The following LRRC7 variants were observed in gnomAD, a reference collection of about 807,000 sequenced individuals.
The protein encoded by LRRC7 is leucine-rich repeat-containing protein 7.
LRRC7 carries 23 observed loss-of-function variants against 175.7 expected under a neutral mutation model. The ratio of observed to expected loss-of-function variants is 0.13; its 90% CI spans 0.09 to 0.19. The LOEUF is 0.19. LRRC7 is among the 10% of genes least tolerant of loss of function. The probability of loss-of-function intolerance (pLI) is 1.00; values close to 1 mark genes in which losing one functional copy is unlikely to be tolerated. For synonymous variants in LRRC7, 685 were observed against 680.9 expected, an observed-to-expected ratio of 1.01 and a Z score of -0.09; for missense variants, 1,354 against 1,904.7, an observed-to-expected ratio of 0.71 and a Z score of 5.38.
At chr1:69,694,306 A>G (rs1339694074) in intron 2 of LRRC7, among the ~76,000 whole-genome samples, 1 of 152,122 alleles carries the variant, frequency 6.6e-6, no homozygotes, top group Non-Finnish European at 1.5e-5. Flanking sequence ...TTGCCTTCTT[A>G]TATCTGCTCA....
intron 1 of LRRC7, among the ~76,000 whole-genome samples, chr1:69,671,037 C>T (rs1016892633): frequency 6.6e-6 from 1 of 152,070 alleles, no homozygotes. Flanking sequence ...AGGTGCAAGA[C>T]AATGTCCCCT....
At chr1:69,595,012 A>ATT (rs113142766) in intron 1 of LRRC7, among the ~76,000 whole-genome samples, 22,373 of 148,158 alleles carry the variant, frequency 0.15, 1,774 homozygotes, top group Admixed American at 0.19. Context: ...AAAAATGATC[A>ATT]TTTTTTTTTT....
chr1:69,762,845 G>T (rs1040720402), intron 3 of LRRC7, among the ~76,000 whole-genome samples: 2 of 151,988 alleles, frequency 1.3e-5, no homozygotes, highest in African/African-American at 4.8e-5. Flanking sequence ...GTGCATTATA[G>T]TTAAGGAGAA....
At chr1:69,995,866 G>A (rs567677593) in intron 11 of LRRC7, among the ~76,000 whole-genome samples, 5 of 151,162 alleles carry the variant, frequency 3.3e-5, no homozygotes, top group South Asian at 4.3e-4. Flanking sequence ...ATAAACATAC[G>A]TGTGCATGTG....
intron 1 of LRRC7, among the ~76,000 whole-genome samples, chr1:69,592,487 A>G (rs998608816): frequency 3.3e-5 from 5 of 152,108 alleles, no homozygotes; most frequent in Non-Finnish European, 4.4e-5. Flanking sequence ...AAGTCGTTAC[A>G]TTAAAAGTAC....
chr1:69,626,727 C>T (rs747160042), intron 1 of LRRC7, among the ~76,000 whole-genome samples: 11 of 118,234 alleles, frequency 9.3e-5, no homozygotes, highest in East Asian at 6.1e-4. Context: ...CCCTCTCCTC[C>T]GCCCCCCCAT....
chr1:69,829,687 A>T (rs1262515236), intron 5 of LRRC7, among the ~76,000 whole-genome samples: 1 of 151,862 alleles, frequency 6.6e-6, no homozygotes, highest in African/African-American at 2.4e-5. Flanking sequence ...TAAATAAATC[A>T]ATTACATGTG....
In LRRC7 at chr1:70,023,172, C is replaced by G. The variant is rs765357966; in HGVS notation, c.1592C>G (p.Thr531Ser). ...APWERGQRGI[T>S]LQPARLSGDC... ...TGGGAAAGGGGCCAGCGTGGGATTACTCTCCAACCTGCCAGACTGTCTGGC... is the reference window on the plus strand; with the variant it reads ...TGGGAAAGGGGCCAGCGTGGGATTAGTCTCCAACCTGCCAGACTGTCTGGC... Residue 531 changes from threonine to serine, a missense_variant, in exon 17 of 27, where the codon ACT (threonine) becomes AGT (serine). Physicochemically the swap from Thr to Ser is moderately conservative, Grantham distance 58. Around this residue, in one of 4 missense-constraint regions of LRRC7, gnomAD observed 1,032 missense variants for 1,227.2 expected, o/e 0.84. Transcript: ENST00000651989. The G allele has an allele frequency of 3.3e-6, 5 of 1,534,148 alleles. No homozygotes were observed. Among genetic ancestry groups the G allele is most frequent in the Non-Finnish European group, 3.5e-6 (4 of 1,130,984 alleles).
intron 1 of LRRC7, among the ~76,000 whole-genome samples, chr1:69,662,345 A>T (rs1041580503): frequency 2.6e-5 from 4 of 152,238 alleles, no homozygotes; most frequent in African/African-American, 9.6e-5. Context: ...CAAGACATTC[A>T]TAATGATACC....
chr1:70,013,736 T>C (rs1240983172), intron 13 of LRRC7, among the ~76,000 whole-genome samples: 1 of 151,922 alleles, frequency 6.6e-6, no homozygotes, highest in Non-Finnish European at 1.5e-5. Flanking sequence ...TAAGAACAAA[T>C]ATTGACTAGA....
chr1:69,733,490 C>T (rs1253363473), intron 2 of LRRC7, among the ~76,000 whole-genome samples: 1 of 151,974 alleles, frequency 6.6e-6, no homozygotes, highest in Non-Finnish European at 1.5e-5. Context: ...CTCATGTTTC[C>T]TTATTTGCAT....
chr1:69,598,884 C>T (rs1646943775), intron 1 of LRRC7, among the ~76,000 whole-genome samples: 1 of 152,162 alleles, frequency 6.6e-6, no homozygotes, highest in South Asian at 2.1e-4. Flanking sequence ...TCACTTTGTT[C>T]CCATTTGAAG....
chr1:69,781,711 G>GA (rs1202042457), intron 3 of LRRC7, among the ~76,000 whole-genome samples: 2 of 27,596 alleles, frequency 7.2e-5, no homozygotes, highest in African/African-American at 4.7e-4. Flanking sequence ...AAGAAAGAAA[G>GA]AAAGAAAGAA....
chr1:70,040,231 T>C (rs1266105089), intron 21 of LRRC7, among the ~76,000 whole-genome samples: 1 of 152,194 alleles, frequency 6.6e-6, no homozygotes, highest in Non-Finnish European at 1.5e-5. Context: ...CCTAATTTGT[T>C]TATAAAATTT....
chr1:69,985,086 G>T (rs1653811751), intron 9 of LRRC7, among the ~76,000 whole-genome samples: 1 of 152,092 alleles, frequency 6.6e-6, no homozygotes, highest in South Asian at 2.1e-4. Context: ...TCCCTGTTCT[G>T]TGGCATTCAC....
At chr1:69,875,723 AC>A (rs1685981152) in intron 7 of LRRC7, among the ~76,000 whole-genome samples, 1 of 152,098 alleles carries the variant, frequency 6.6e-6, no homozygotes, top group Non-Finnish European at 1.5e-5. Context: ...TTTAAAAAAA[AC>A]AGGTAAAATG....
At chr1:69,946,588 G>T (rs545494321) in intron 8 of LRRC7, among the ~76,000 whole-genome samples, 1 of 151,900 alleles carries the variant, frequency 6.6e-6, no homozygotes, top group Non-Finnish European at 1.5e-5. Flanking sequence ...TCTGATATCG[G>T]GTTTGCATAT....
chr1:69,894,381 C>G (rs1027368937), intron 7 of LRRC7, among the ~76,000 whole-genome samples: 6 of 152,116 alleles, frequency 3.9e-5, no homozygotes, highest in Non-Finnish European at 8.8e-5. Flanking sequence ...GAATAGAGAC[C>G]ACCCAAAATG....
intron 2 of LRRC7, among the ~76,000 whole-genome samples, chr1:69,697,180 AT>A: frequency 6.6e-6 from 1 of 151,988 alleles, no homozygotes; most frequent in Non-Finnish European, 1.5e-5. Context: ...TAGTTTTTCT[AT>A]TTTTTTATTT....
Sources: gnomAD v4.1 joint callset for allele counts (sites outside exome capture counted in the v4.1 genomes callset) on GRCh38, gnomAD v4.1.1 for gene constraint, gnomAD v4.1.1 regional missense constraint, MANE v1.5 for transcripts, NCBI Gene and HGNC (gene_info 2026-07-23, HGNC 2026-07-21) for gene names.